The following PTPRD variants were observed in gnomAD, a reference collection of about 807,000 sequenced individuals.
PTPRD encodes the protein receptor-type tyrosine-protein phosphatase delta.
A neutral mutation model predicts 214.5 loss-of-function variants in PTPRD; 34 were observed. That is an observed-to-expected ratio of 0.16 (90% confidence interval 0.12 to 0.21). The LOEUF (loss-of-function observed/expected upper bound fraction) is 0.21, where lower values mean the gene tolerates loss of function less well. Among genes scored for constraint, PTPRD ranks in the 10% least tolerant of loss-of-function variants. PTPRD has a pLI of 1.00. For missense variants in PTPRD, 2,545 were observed against 2,398.7 expected (o/e 1.06, Z -1.27); for synonymous variants, 1,128 against 845.7 (o/e 1.33, Z -5.79).
intron 12 of PTPRD, among the ~76,000 whole-genome samples, chr9:8,671,781 C>A (rs1199031892): frequency 6.6e-6 from 1 of 152,154 alleles, no homozygotes; most frequent in Non-Finnish European, 1.5e-5. Flanking sequence ...AGAAAACACG[C>A]CGCGTGCCTT....
intron 10 of PTPRD, among the ~76,000 whole-genome samples, chr9:9,152,559 GAA>G: frequency 6.6e-6 from 1 of 152,168 alleles, no homozygotes; most frequent in East Asian, 1.9e-4. Flanking sequence ...AGGAAAAAAA[GAA>G]AACGAAGTTG....
chr9:9,515,199 A>G (rs538000038), intron 8 of PTPRD, among the ~76,000 whole-genome samples: 1 of 152,228 alleles, frequency 6.6e-6, no homozygotes, highest in African/African-American at 2.4e-5. Context: ...AAACACTTCA[A>G]TCTATGCCTG....
intron 35 of PTPRD, among the ~76,000 whole-genome samples, chr9:8,410,016 T>A (rs2093384215): frequency 6.6e-6 from 1 of 152,212 alleles, no homozygotes; most frequent in African/African-American, 2.4e-5. Flanking sequence ...TATTCTCAAG[T>A]CCTTTCTGAG....
At chr9:10,217,151 C>A (rs552245155) in intron 3 of PTPRD, among the ~76,000 whole-genome samples, 2 of 151,768 alleles carry the variant, frequency 1.3e-5, no homozygotes, top group Admixed American at 6.6e-5. Flanking sequence ...TTTTACTTTG[C>A]TTTACCTCAA....
intron 9 of PTPRD, among the ~76,000 whole-genome samples, chr9:9,295,660 A>G (rs1348563142): frequency 6.6e-6 from 1 of 151,790 alleles, no homozygotes; most frequent in African/African-American, 2.4e-5. Flanking sequence ...ATTATATTTT[A>G]TTGTATAACC....
rs990044298 is a variant in PTPRD at position 8,607,584 on chromosome 9, A to G, written c.352+25733T>C. Among the ~76,000 whole-genome samples the G allele has an allele frequency of 2.0e-5, 3 of 152,144 alleles. No individual in the cohort carries two copies. The East Asian group carries it at 5.8e-4, about 29-fold the overall frequency. On this transcript the variant is annotated intron_variant, in intron 14 of 45. Transcript: ENST00000381196. ...CTTGAGCCCGGGAGGGAGAAGTTGC[A>G]CTGAGCCAAGACTGCGCCACTGCAC...
At chr9:10,001,066 C>A (rs35196386) in intron 4 of PTPRD, among the ~76,000 whole-genome samples, 16 of 152,082 alleles carry the variant, frequency 1.1e-4, no homozygotes, top group South Asian at 6.2e-4. Context: ...ATCTCTGTAG[C>A]GGGGAGCTTT....
chr9:8,345,701 G>T (rs990175083), intron 39 of PTPRD, among the ~76,000 whole-genome samples: 6 of 152,078 alleles, frequency 3.9e-5, no homozygotes, highest in Non-Finnish European at 2.9e-5. Context: ...CATTGATTCT[G>T]TAACAGGGTA....
intron 42 of PTPRD, among the ~76,000 whole-genome samples, chr9:8,339,302 G>A (rs547111091): frequency 6.6e-6 from 1 of 152,156 alleles, no homozygotes; most frequent in African/African-American, 2.4e-5. Flanking sequence ...TAATATACAC[G>A]AGTTGAATTG....
At chr9:10,386,786 G>A (rs1302570322) in intron 2 of PTPRD, among the ~76,000 whole-genome samples, 1 of 151,836 alleles carries the variant, frequency 6.6e-6, no homozygotes, top group Non-Finnish European at 1.5e-5. Context: ...CCCAAAAATA[G>A]CCACACCCTA....
chr9:10,148,413 T>C (rs1158148254), intron 3 of PTPRD, among the ~76,000 whole-genome samples: 1 of 152,124 alleles, frequency 6.6e-6, no homozygotes, highest in African/African-American at 2.4e-5. Context: ...AAGATTACAG[T>C]CTAGAAAATG....
chr9:9,278,747 C>T (rs552413168), intron 9 of PTPRD, among the ~76,000 whole-genome samples: 1 of 151,448 alleles, frequency 6.6e-6, no homozygotes, highest in African/African-American at 2.4e-5. Flanking sequence ...CTAGAACATG[C>T]AGTTAATAAC....
chr9:10,226,073 A>G (rs2099587853), intron 3 of PTPRD, among the ~76,000 whole-genome samples: 1 of 152,062 alleles, frequency 6.6e-6, no homozygotes, highest in African/African-American at 2.4e-5. Context: ...CAAAATTAAG[A>G]CATAGGATCC....
chr9:8,546,509 T>C (rs945965210), intron 14 of PTPRD, among the ~76,000 whole-genome samples: 2 of 152,080 alleles, frequency 1.3e-5, no homozygotes, highest in African/African-American at 4.8e-5. Context: ...TTTTTCTTTT[T>C]TTTTTGTGAG....
intron 11 of PTPRD, among the ~76,000 whole-genome samples, chr9:8,956,588 C>G (rs1371126330): frequency 6.6e-6 from 1 of 151,742 alleles, no homozygotes; most frequent in Non-Finnish European, 1.5e-5. Context: ...CAGCACACTG[C>G]TTGTGCTGGA....
intron 39 of PTPRD, among the ~76,000 whole-genome samples, chr9:8,375,444 A>G (rs183425684): frequency 6.6e-6 from 1 of 152,176 alleles, no homozygotes; most frequent in East Asian, 1.9e-4. Flanking sequence ...GTGATTTGTC[A>G]TGAGACTTGA....
At chr9:9,587,354 C>T (rs2092158393) in intron 7 of PTPRD, among the ~76,000 whole-genome samples, 1 of 151,950 alleles carries the variant, frequency 6.6e-6, no homozygotes, top group Non-Finnish European at 1.5e-5. Flanking sequence ...GTGGTAGGCG[C>T]TTCTATTATA....
chr9:10,162,197 A>G (rs924224110), intron 3 of PTPRD, among the ~76,000 whole-genome samples: 2 of 151,592 alleles, frequency 1.3e-5, no homozygotes, highest in African/African-American at 4.8e-5. Context: ...TGCTGGGTAT[A>G]AAGCCAAGAG....
chr9:8,406,105 A>C (rs894278410), intron 35 of PTPRD, among the ~76,000 whole-genome samples: 3 of 152,192 alleles, frequency 2.0e-5, no homozygotes, highest in Non-Finnish European at 4.4e-5. Flanking sequence ...AGTATTCAGG[A>C]AAATATTAAT....
Sources: gnomAD v4.1 joint callset for allele counts (sites outside exome capture counted in the v4.1 genomes callset) on GRCh38, gnomAD v4.1.1 for gene constraint, MANE v1.5 for transcripts, NCBI Gene and HGNC (gene_info 2026-07-23, HGNC 2026-07-21) for gene names.